The following WDR17 variants were observed in gnomAD, a reference collection of about 807,000 sequenced individuals.
WDR17 encodes the protein WD repeat domain 17.
A neutral mutation model predicts 161.7 loss-of-function variants in WDR17; 143 were observed. The observed-to-expected ratio is 0.88, with a 90% CI of 0.77 to 1.02. The LOEUF (loss-of-function observed/expected upper bound fraction) is 1.02, where lower values mean the gene tolerates loss of function less well. Ranked by LOEUF, WDR17 falls within the 50% of genes least tolerant of loss-of-function variation. The pLI, the probability that WDR17 is intolerant of heterozygous loss-of-function variation, is 0.00. For synonymous variants in WDR17, 517 were observed against 515.6 expected, an observed-to-expected ratio of 1.00 and a Z score of -0.04; for missense variants, 1,469 against 1,520.9, an observed-to-expected ratio of 0.97 and a Z score of 0.57.
In WDR17 at chr4:176,101,020, A is replaced by G. The variant is rs534466289; in HGVS notation, c.-6-10555A>G. Among the ~76,000 whole-genome samples the G allele has an allele frequency of 2.0e-5, 3 of 152,134 alleles. No individual in the cohort carries two copies. The East Asian group carries it at 5.8e-4, about 29-fold the overall frequency. On this transcript the variant is annotated intron_variant, in intron 1 of 28. Coordinates refer to ENST00000508596, the MANE Select transcript of WDR17 (RefSeq NM_181265.4). The stretch of plus-strand genomic sequence containing the variant: ...AATATAATTTGAAGTCAAGTAATGC[A>G]TTGCCTCCAGTTTTATTCCTTTGGT...
chr4:176,141,206 G>C lies in WDR17; in HGVS notation c.1443-777G>C, dbSNP rs192365902. On this transcript the variant is annotated intron_variant, in intron 10 of 28. Transcript: ENST00000508596. ...CCTTTTCTTATGGCAGGGGATGGGG[G>C]ATCATCTCTGAATTTTAGTTATATT... Among the ~76,000 whole-genome samples the C allele has an allele frequency of 1.2e-3, 175 of 152,044 alleles. 1 individual carries two copies. Among genetic ancestry groups the C allele is most frequent in the African/African-American group, 4.1e-3 (171 of 41,466 alleles).
intron 1 of WDR17, among the ~76,000 whole-genome samples, chr4:176,080,611 G>T (rs1734619270): frequency 6.6e-6 from 1 of 152,108 alleles, no homozygotes; most frequent in Non-Finnish European, 1.5e-5. Flanking sequence ...ACCGATCATT[G>T]ACTAGTGGAG....
intron 1 of WDR17, among the ~76,000 whole-genome samples, chr4:176,094,518 A>G (rs1292047397): frequency 6.6e-6 from 1 of 152,210 alleles, no homozygotes; most frequent in Admixed American, 6.6e-5. Flanking sequence ...GGAAAAGGTG[A>G]AAGTGGCAGC....
chr4:176,076,187 G>T (rs1401516793), intron 1 of WDR17, among the ~76,000 whole-genome samples: 1 of 135,076 alleles, frequency 7.4e-6, no homozygotes, highest in African/African-American at 2.8e-5. Flanking sequence ...CCCAGGTATG[G>T]ATAGTTAACT....
intron 22 of WDR17, chr4:176,166,137 G>T: frequency 1.9e-6 from 2 of 1,046,276 alleles, no homozygotes; most frequent in South Asian, 1.7e-5. Flanking sequence ...TCCATGTGTT[G>T]GATACAGGTA....
chr4:176,122,755 A>T (rs1225878838), intron 4 of WDR17, among the ~76,000 whole-genome samples: 1 of 152,182 alleles, frequency 6.6e-6, no homozygotes, highest in African/African-American at 2.4e-5. Flanking sequence ...TATGACCTCA[A>T]TATCTCTGTT....
intron 5 of WDR17, among the ~76,000 whole-genome samples, chr4:176,125,938 A>G (rs1364763690): frequency 6.6e-6 from 1 of 152,210 alleles, no homozygotes; most frequent in East Asian, 1.9e-4. Flanking sequence ...CTGGTGAGGA[A>G]CTTTGTGCTG....
At position 176,137,510 on chromosome 4, in the gene WDR17, G is replaced by T; in HGVS notation, c.1268-10G>T. 2 of 1,597,884 alleles carry T rather than the reference G, an allele frequency of 1.3e-6. No homozygotes were observed. The highest frequency in any genetic ancestry group is 1.7e-6 in the Non-Finnish European group (2 of 1,168,948). ...CATTTAGTATAATGTCTAACAAATT[G>T]TTTCCTAAGGTGGTTTAAATTGTAT... On this transcript the variant is annotated splice_polypyrimidine_tract_variant and intron_variant, in intron 8 of 28. Coordinates refer to ENST00000508596, the MANE Select transcript of WDR17 (RefSeq NM_181265.4).
intron 4 of WDR17, among the ~76,000 whole-genome samples, chr4:176,120,488 T>C (rs28447657): frequency 0.25 from 38,094 of 151,744 alleles, 4,931 homozygotes; most frequent in African/African-American, 0.29. Context: ...TAATACTAAA[T>C]ATTTTCCCAT....
chr4:176,175,305 GTAGCAGGTTACTATTTTA>G (rs535997765), intron 26 of WDR17, among the ~76,000 whole-genome samples: 1 of 152,312 alleles, frequency 6.6e-6, no homozygotes, highest in East Asian at 1.9e-4. Context: ...GAGTTTGTAA[GTAGCAGGTTACTATTTTA>G]ATATTTTATA....
chr4:176,099,304 A>G lies in WDR17; in HGVS notation c.-6-12271A>G, dbSNP rs116158991. Among the ~76,000 whole-genome samples the G allele has an allele frequency of 3.8e-3, 576 of 152,302 alleles. 3 individuals are homozygous for G. The highest frequency in any genetic ancestry group is 0.013 in the African/African-American group (540 of 41,572). On this transcript the variant is annotated intron_variant, in intron 1 of 28. Coordinates refer to ENST00000508596, the MANE Select transcript of WDR17 (RefSeq NM_181265.4). ...ATTGCAACTTACCAGAGCAGAAATG[A>G]ATTAGCAGAAACTAACCTGGGCATC...
chr4:176,155,545 G>GTTTTT (rs869207103), intron 17 of WDR17, among the ~76,000 whole-genome samples: 4 of 105,232 alleles, frequency 3.8e-5, no homozygotes, highest in African/African-American at 1.6e-4. Context: ...ATTTGTTTGT[G>GTTTTT]TTTTTTTTTT....
At chr4:176,119,340 G>A (rs1015480633) in intron 3 of WDR17, among the ~76,000 whole-genome samples, 3 of 152,074 alleles carry the variant, frequency 2.0e-5, no homozygotes, top group African/African-American at 4.8e-5. Flanking sequence ...GTTTTTCTGA[G>A]GCAAGGCTTA....
In WDR17 at chr4:176,156,060, T is replaced by C. The variant is rs570554374; in HGVS notation, c.2461-19T>C. 6.2e-7 allele frequency: 1 copy of C among 1,612,000 alleles called. No homozygotes were observed. Among genetic ancestry groups the C allele is most frequent in the South Asian group, 1.1e-5 (1 of 90,600 alleles). ...AACCAAAATTAATATGCTCCTGCCC[T>C]TTTTGCCTTCTATTGTAGTGGGACA... On this transcript the variant is annotated intron_variant, in intron 17 of 28. Transcript: ENST00000508596.
rs201031547 is a variant in WDR17, at chr4:176,121,140, T to C, written c.538+1043T>C. Among the ~76,000 whole-genome samples the C allele has an allele frequency of 9.8e-5, 15 of 152,310 alleles. No homozygotes were observed. In the East Asian group the frequency reaches 2.7e-3, roughly 27 times the overall value. ...CCAGGTTTACGTGGGGACAGTTTCA[T>C]TGATTTGTCAAAGATTAGCATGAGG... On this transcript the variant is annotated intron_variant, in intron 4 of 28. Coordinates refer to ENST00000508596, the MANE Select transcript of WDR17 (RefSeq NM_181265.4).
At chr4:176,126,694 G>A (rs1226905065) in intron 5 of WDR17, among the ~76,000 whole-genome samples, 3 of 152,114 alleles carry the variant, frequency 2.0e-5, no homozygotes, top group African/African-American at 4.8e-5. Flanking sequence ...TGGCTTGACC[G>A]TGTCTCCACC....
At chr4:176,159,947 A>G (rs1030784612) in intron 18 of WDR17, 47 bp from the exon 19 acceptor site, 1 of 1,463,714 alleles carries the variant, frequency 6.8e-7, no homozygotes, top group African/African-American at 1.4e-5. Flanking sequence ...TCACCTAAAA[A>G]CCTTCAAAAT....
intron 5 of WDR17, 69 bp downstream of exon 5, chr4:176,125,424 G>A (rs1742300771): frequency 6.5e-7 from 1 of 1,541,814 alleles, no homozygotes. Context: ...TTAGGAAATT[G>A]TCCTTTATAG....
chr4:176,086,595 T>C (rs1735452371), intron 1 of WDR17, among the ~76,000 whole-genome samples: 1 of 151,954 alleles, frequency 6.6e-6, no homozygotes, highest in Non-Finnish European at 1.5e-5. Flanking sequence ...CTATTTTATC[T>C]TTGATTTACA....
Sources: allele counts gnomAD v4.1 joint callset (sites outside exome capture counted in the v4.1 genomes callset), GRCh38; gene constraint gnomAD v4.1.1; transcripts MANE v1.5; gene names NCBI Gene and HGNC (gene_info 2026-07-23, HGNC 2026-07-21).